The following ABCA4 variants were observed in gnomAD, a reference collection of about 807,000 sequenced individuals.
ABCA4 encodes retinal-specific phospholipid-transporting ATPase ABCA4.
ABCA4 carries 196 observed loss-of-function variants against 263.7 expected under a neutral mutation model. The observed-to-expected ratio is 0.74, with a 90% confidence interval of 0.66 to 0.84. The LOEUF (loss-of-function observed/expected upper bound fraction) is 0.84, where lower values mean the gene tolerates loss of function less well. ABCA4 is among the 40% of genes least tolerant of loss of function. ABCA4 has a pLI of 0.00. For synonymous variants in ABCA4, 1,133 were observed against 1,094.2 expected (o/e 1.04, Z -0.70); for missense variants, 2,792 against 2,855.1 (o/e 0.98, Z 0.50).
intron 6 of ABCA4, among the ~76,000 whole-genome samples, chr1:94,085,496 G>C (rs372270439): frequency 6.6e-6 from 1 of 152,154 alleles, no homozygotes; most frequent in African/African-American, 2.4e-5. Context: ...TTCCCTTCTA[G>C]AATATTTCAT....
intron 14 of ABCA4, among the ~76,000 whole-genome samples, chr1:94,059,159 C>T (rs1019373373): frequency 3.3e-5 from 5 of 152,218 alleles, no homozygotes; most frequent in Admixed American, 6.5e-5. Flanking sequence ...ATGGCTGTTG[C>T]TAGTCAGATG....
At position 94,063,255 on chromosome 1, in the gene ABCA4, G is replaced by A. The variant is rs778990662; in HGVS notation, c.1617C>T (p.Leu539=). ...NDETQLTQRA[L]SLLEENMFWA... ...AGAACATGTTTTCCTCCAGTAGAGA[G>A]AGGGCACGTTGGGTGAGCTGAGTTT... The change falls in exon 12 of 50, where the codon CTC becomes CTT. Residue 539 remains leucine, a synonymous_variant. Transcript: ENST00000370225. The A allele has an allele frequency of 2.3e-5, 37 of 1,614,080 alleles. 1 individual carries two copies. In the Admixed American group the frequency reaches 6.2e-4, roughly 27 times the overall value.
In ABCA4 at chr1:94,103,140, T is replaced by C. The variant is rs1448232035; in HGVS notation, c.445A>G (p.Arg149Gly). 6.2e-6 allele frequency: 10 copies of C among 1,613,930 alleles called. 1 individual carries two copies. In the South Asian group the frequency reaches 1.1e-4, roughly 18 times the overall value. Reference protein sequence around the residue: ...LRTHPERIAGRGIRIRDILKD... With the variant: ...LRTHPERIAGGGIRIRDILKD... ...AAGATATCCCTTATTCGTATTCCTC[T>C]TCCTACATATGAATAAGAGAAAGAA... is the stretch of plus-strand genomic sequence containing the variant. The change falls in exon 5 of 50, where the codon AGA becomes GGA. Residue 149 changes from arginine to glycine, a missense_variant and splice_region_variant. Arg to Gly is a moderately radical substitution (Grantham distance 125, BLOSUM62 -2). Transcript: ENST00000370225.
chr1:94,008,120 T>C lies in ABCA4; in HGVS notation c.5898+115A>G, dbSNP rs1030634915. ...AGTGGAAGATTTAAAATTACATATG[T>C]GACTTGCATTATGGCATTATGTTCC... On this transcript the variant is annotated intron_variant, in intron 42 of 49. Transcript: ENST00000370225. 214 of 936,006 alleles carry C rather than the reference T, an allele frequency of 2.3e-4. 1 individual carries two copies. The highest frequency in any genetic ancestry group is 3.3e-4 in the Non-Finnish European group (192 of 580,534). The allele number at this position is 936,006 out of a possible 1,614,324, so 58.0% of individuals were successfully genotyped here.
rs535353762 is a variant in ABCA4 at position 94,044,337 on chromosome 1, CG to C, written c.3050+275del. On this transcript the variant is annotated intron_variant, in intron 20 of 49. Coordinates refer to ENST00000370225, the MANE Select transcript of ABCA4 (RefSeq NM_000350.3). The stretch of plus-strand genomic sequence containing the variant: ...GTACTTCAGGGCTGCACAAGGGGCT[CG>C]GGGATCGATCAGCTGCTCTGTCAGA... 9.2e-5 allele frequency among the ~76,000 whole-genome samples: 14 copies of C among 152,290 alleles called. 1 individual carries two copies. The East Asian group carries it at 2.5e-3, about 27-fold the overall frequency.
At chr1:94,060,429 T>A in intron 14 of ABCA4, 108 bp downstream of exon 14, 1 of 1,052,710 alleles carries the variant, frequency 9.5e-7, no homozygotes, top group Admixed American at 1.8e-5. Flanking sequence ...AAGCTAGATG[T>A]CACGCTCTCC....
At chr1:94,093,681 GC>G (rs1215896981) in intron 6 of ABCA4, among the ~76,000 whole-genome samples, 1 of 152,160 alleles carries the variant, frequency 6.6e-6, no homozygotes, top group Non-Finnish European at 1.5e-5. Context: ...ATGAAAATAA[GC>G]CCTGGCCTAC....
At chr1:94,119,141 A>T (rs1662880795) in intron 1 of ABCA4, among the ~76,000 whole-genome samples, 1 of 152,204 alleles carries the variant, frequency 6.6e-6, no homozygotes, top group Non-Finnish European at 1.5e-5. Flanking sequence ...ATAGAAGGAA[A>T]GAATGAATAC....
At chr1:94,003,886 C>T (rs1659283156) in intron 44 of ABCA4, among the ~76,000 whole-genome samples, 1 of 152,182 alleles carries the variant, frequency 6.6e-6, no homozygotes, top group Non-Finnish European at 1.5e-5. Context: ...GATCTTCCTA[C>T]CTTGGCCTCC....
At chr1:94,113,489 C>G (rs1172614631) in intron 1 of ABCA4, among the ~76,000 whole-genome samples, 2 of 152,214 alleles carry the variant, frequency 1.3e-5, no homozygotes, top group African/African-American at 4.8e-5. Flanking sequence ...TGTAGCCACT[C>G]ACTCTGCAGT....
At chr1:94,070,303 G>A (rs2101089432) in intron 11 of ABCA4, among the ~76,000 whole-genome samples, 1 of 152,194 alleles carries the variant, frequency 6.6e-6, no homozygotes, top group South Asian at 2.1e-4. Flanking sequence ...TGCAAGAGAT[G>A]GTGTCCTTTC....
At chr1:94,047,886 C>G (rs2101058546) in intron 18 of ABCA4, among the ~76,000 whole-genome samples, 2 of 152,334 alleles carry the variant, frequency 1.3e-5, no homozygotes, top group African/African-American at 4.8e-5. Flanking sequence ...TCATTTCACC[C>G]TATATGGCAC....
intron 43 of ABCA4, among the ~76,000 whole-genome samples, chr1:94,006,192 T>C (rs1022333821): frequency 1.3e-5 from 2 of 152,206 alleles, no homozygotes; most frequent in Non-Finnish European, 2.9e-5. Context: ...TTTCTTCTTA[T>C]AGCTTAGGGT....
At chr1:94,048,086 A>C (rs1281165902) in intron 18 of ABCA4, among the ~76,000 whole-genome samples, 1 of 152,182 alleles carries the variant, frequency 6.6e-6, no homozygotes, top group Non-Finnish European at 1.5e-5. Flanking sequence ...GGTGTACTGC[A>C]GTCTAACTCT....
chr1:94,025,530 G>A (rs1293942804), intron 30 of ABCA4: 4 of 231,270 alleles, frequency 1.7e-5, no homozygotes, highest in Admixed American at 1.0e-4. Context: ...CCATGTGGCC[G>A]ATGTGTGTGG....
chr1:94,075,733 C>T (rs1661521447), intron 11 of ABCA4, among the ~76,000 whole-genome samples: 1 of 152,248 alleles, frequency 6.6e-6, no homozygotes, highest in African/African-American at 2.4e-5. Context: ...CTAGATGACA[C>T]AGACCCAGAC....
chr1:94,055,815 T>G (rs1035743871), intron 15 of ABCA4, among the ~76,000 whole-genome samples: 2 of 152,212 alleles, frequency 1.3e-5, no homozygotes, highest in African/African-American at 4.8e-5. Context: ...TGGAGCCTAA[T>G]AAGTGTGAGT....
At position 94,056,595 on chromosome 1, in the gene ABCA4, C is replaced by T. The variant is rs764924109; in HGVS notation, c.2382+6G>A. 4 of 1,612,130 alleles carry T rather than the reference C, an allele frequency of 2.5e-6. No homozygotes were observed. In the East Asian group the frequency reaches 8.9e-5, roughly 36 times the overall value. ...TGTAGGACAGGGGCCAGCCCAAGGG[C>T]CTCACCACAGCCTTCTTCAGCTCAG... On this transcript the variant is annotated splice_donor_region_variant and intron_variant, in intron 15 of 49. Coordinates refer to ENST00000370225, the MANE Select transcript of ABCA4 (RefSeq NM_000350.3).
intron 7 of ABCA4, among the ~76,000 whole-genome samples, chr1:94,081,035 G>A (rs978323772): frequency 6.6e-6 from 1 of 151,824 alleles, no homozygotes; most frequent in Non-Finnish European, 1.5e-5. Context: ...CCATCCTGGC[G>A]AACATGGTGA....
Sources: allele counts gnomAD v4.1 joint callset (sites outside exome capture counted in the v4.1 genomes callset), GRCh38; gene constraint gnomAD v4.1.1; transcripts MANE v1.5; gene names NCBI Gene and HGNC (gene_info 2026-07-23, HGNC 2026-07-21).